Variants in EEIG2 observed in about 807,000 individuals in gnomAD.
EEIG2 encodes EEIG family member 2, also known as family with sequence similarity 102 member B.
At chr1:108,601,301 T>C in the EEIG2 span, among the ~76,000 whole-genome samples, 3 of 151,944 alleles carry the variant, frequency 2.0e-5, no homozygotes, top group African/African-American at 7.3e-5. Flanking sequence ...TGTGTGTGTA[T>C]GCATGTGTTT....
chr1:108,579,833 G>T, the EEIG2 span, among the ~76,000 whole-genome samples: 3 of 124,200 alleles, frequency 2.4e-5, no homozygotes, highest in African/African-American at 8.4e-5. Context: ...GCTGCAGTGC[G>T]ATGATGCATT....
the EEIG2 span, among the ~76,000 whole-genome samples, chr1:108,607,308 C>CT: frequency 1.8e-4 from 27 of 152,078 alleles, no homozygotes; most frequent in Non-Finnish European, 4.4e-5. Context: ...CCCTGTATTA[C>CT]TTTTTTTTGA....
chr1:108,599,207 T>C, the EEIG2 span, among the ~76,000 whole-genome samples: 1 of 151,984 alleles, frequency 6.6e-6, no homozygotes, highest in African/African-American at 2.4e-5. Context: ...TAGATCGTAA[T>C]AAAAATCTAT....
the EEIG2 span, among the ~76,000 whole-genome samples, chr1:108,597,871 T>C: frequency 1.8e-4 from 27 of 152,218 alleles, no homozygotes; most frequent in African/African-American, 6.5e-4. Flanking sequence ...TATCTGATCA[T>C]ATATCAGTGG....
At chr1:108,608,586 C>T in the EEIG2 span, among the ~76,000 whole-genome samples, 35 of 152,312 alleles carry the variant, frequency 2.3e-4, no homozygotes, top group African/African-American at 5.5e-4. Flanking sequence ...TCTTTCAAGG[C>T]GGAGTAGGTG....
At chr1:108,572,051 G>A in the EEIG2 span, among the ~76,000 whole-genome samples, 1 of 152,070 alleles carries the variant, frequency 6.6e-6, no homozygotes, top group Non-Finnish European at 1.5e-5. Flanking sequence ...TGCTGCCCCA[G>A]CACTCAACTA....
the EEIG2 span, chr1:108,638,358 A>G: frequency 6.6e-6 from 1 of 152,280 alleles, no homozygotes; most frequent in Non-Finnish European, 1.5e-5. Flanking sequence ...CAGACAAAAC[A>G]TACTCAAATT....
the EEIG2 span, among the ~76,000 whole-genome samples, chr1:108,590,371 A>G: frequency 6.3e-4 from 96 of 152,316 alleles, no homozygotes; most frequent in Non-Finnish European, 1.2e-3. Flanking sequence ...ATTAATATTG[A>G]AAAAAATCTT....
chr1:108,564,395 C>T, the EEIG2 span, among the ~76,000 whole-genome samples: 2 of 152,142 alleles, frequency 1.3e-5, no homozygotes, highest in Admixed American at 6.5e-5. Context: ...GATGCCTTGA[C>T]GCCACCACAG....
the EEIG2 span, among the ~76,000 whole-genome samples, chr1:108,583,393 C>T: frequency 6.6e-6 from 1 of 151,580 alleles, no homozygotes; most frequent in South Asian, 2.1e-4. Context: ...AATCCACCTA[C>T]CTTGATCTCC....
chr1:108,625,772 C>CTG, the EEIG2 span: 18 of 109,414 alleles, frequency 1.6e-4, no homozygotes, highest in African/African-American at 6.6e-4. Context: ...CTCTCTCTCT[C>CTG]TCTGTGTGTG....
At chr1:108,574,784 G>C in the EEIG2 span, among the ~76,000 whole-genome samples, 2 of 152,082 alleles carry the variant, frequency 1.3e-5, no homozygotes, top group African/African-American at 4.8e-5. Flanking sequence ...TCAATTTTAT[G>C]AGTATTTTAC....
At chr1:108,602,157 G>A in the EEIG2 span, among the ~76,000 whole-genome samples, 1 of 152,162 alleles carries the variant, frequency 6.6e-6, no homozygotes, top group African/African-American at 2.4e-5. Context: ...ATTTGAAGAA[G>A]GGGCAACCAT....
chr1:108,618,985 G>C, the EEIG2 span, among the ~76,000 whole-genome samples: 1 of 151,804 alleles, frequency 6.6e-6, no homozygotes, highest in Non-Finnish European at 1.5e-5. Context: ...ACTATTTTTG[G>C]TGTCTCAGGT....
the EEIG2 span, among the ~76,000 whole-genome samples, chr1:108,615,174 G>A: frequency 5.3e-5 from 8 of 152,142 alleles, no homozygotes; most frequent in African/African-American, 1.9e-4. Context: ...GCAGCCCTGG[G>A]ATCACATCTC....
the EEIG2 span, among the ~76,000 whole-genome samples, chr1:108,591,288 C>CTG: frequency 6.6e-6 from 1 of 152,136 alleles, no homozygotes; most frequent in Non-Finnish European, 1.5e-5. Context: ...TTTCTGATAG[C>CTG]TGTGTGTGTG....
At chr1:108,579,483 T>C in the EEIG2 span, among the ~76,000 whole-genome samples, 1 of 145,804 alleles carries the variant, frequency 6.9e-6, no homozygotes, top group Admixed American at 6.9e-5. Flanking sequence ...TCCCACACAT[T>C]AATAATGGGA....
At chr1:108,596,379 T>A in the EEIG2 span, among the ~76,000 whole-genome samples, 1 of 152,178 alleles carries the variant, frequency 6.6e-6, no homozygotes, top group Non-Finnish European at 1.5e-5. Flanking sequence ...GTTTCTCACA[T>A]GGCCCAACAG....
the EEIG2 span, chr1:108,612,441 A>G: frequency 1.8e-6 from 1 of 544,174 alleles, no homozygotes; most frequent in Non-Finnish European, 3.2e-6. Context: ...TTAGGGAAAA[A>G]CCCCATCTAA....
Sources: allele counts gnomAD v4.1 joint callset (sites outside exome capture counted in the v4.1 genomes callset), GRCh38; gene constraint gnomAD v4.1.1; transcripts MANE v1.5; gene names NCBI Gene and HGNC (gene_info 2026-07-23, HGNC 2026-07-21).